COXFA4L2: variants seen among roughly 807,000 people sequenced by gnomAD.
COXFA4L2 encodes NADH dehydrogenase (ubiquinone) 1 alpha subcomplex, 4-like 2.
chr12:57,236,603 GGCTGCGAAGGGCGAGTCGCA>G, the COXFA4L2 span: 1 of 1,581,956 alleles, frequency 6.3e-7, no homozygotes, highest in Admixed American at 1.9e-5. Context: ...CAGACGTCGG[GGCTGCGAAGGGCGAGTCGCA>G]GCAAGTAAAG....
At chr12:57,237,177 C>T in the COXFA4L2 span, 1 of 1,610,098 alleles carries the variant, frequency 6.2e-7, no homozygotes, top group Non-Finnish European at 8.5e-7. Context: ...ATCAGCCCAG[C>T]CCAGAGCAGC....
At chr12:57,237,128 TCTCC>T in the COXFA4L2 span, 1 of 1,614,124 alleles carries the variant, frequency 6.2e-7, no homozygotes, top group Non-Finnish European at 8.5e-7. Context: ...GGCTCTGTCC[TCTCC>T]CTCCTCCTGG....
chr12:57,235,371 GCGCTTC>G, the COXFA4L2 span: 15 of 645,066 alleles, frequency 2.3e-5, no homozygotes, highest in East Asian at 4.0e-4. Context: ...AGGGTCAGAG[GCGCTTC>G]CGCTGCTGGG....
the COXFA4L2 span, chr12:57,235,282 C>T: frequency 1.8e-6 from 1 of 557,710 alleles, no homozygotes; most frequent in African/African-American, 1.9e-5. Context: ...GGTAGGAGGG[C>T]AGAGGGGCTG....
chr12:57,235,576 C>T, the COXFA4L2 span: 20 of 1,613,802 alleles, frequency 1.2e-5, no homozygotes, highest in Admixed American at 1.0e-4. Flanking sequence ...GAAGTCTGGC[C>T]GGTCCTTCTT....
the COXFA4L2 span, chr12:57,236,778 G>A: frequency 3.9e-6 from 3 of 759,652 alleles, no homozygotes; most frequent in Admixed American, 2.9e-5. Flanking sequence ...ACCCCACCCC[G>A]GGTCTGGTGC....
chr12:57,237,070 G>A, the COXFA4L2 span: 1 of 1,614,182 alleles, frequency 6.2e-7, no homozygotes, highest in South Asian at 1.1e-5. Flanking sequence ...CGGGCCCCAA[G>A]ACTGGCTCCT....
At chr12:57,235,766 G>A in the COXFA4L2 span, 1 of 1,585,094 alleles carries the variant, frequency 6.3e-7, no homozygotes, top group Non-Finnish European at 8.6e-7. Flanking sequence ...TGGTCATTGG[G>A]GCTCAGGCGG....
At chr12:57,236,787 G>T in the COXFA4L2 span, 1 of 1,045,910 alleles carries the variant, frequency 9.6e-7, no homozygotes, top group Admixed American at 2.4e-5. Flanking sequence ...CGGGTCTGGT[G>T]CTCCCTCCCT....
At chr12:57,235,513 G>A in the COXFA4L2 span, 3 of 1,593,852 alleles carry the variant, frequency 1.9e-6, no homozygotes, top group South Asian at 1.1e-5. Flanking sequence ...TGGAAGAAGT[G>A]GATGGGCTGG....
chr12:57,235,491 T>C, the COXFA4L2 span: 6 of 1,520,710 alleles, frequency 3.9e-6, no homozygotes, highest in African/African-American at 1.4e-5. Context: ...CCTTGGGGCC[T>C]GCGGGGAGGA....
the COXFA4L2 span, chr12:57,237,726 T>G: frequency 6.4e-6 from 1 of 155,174 alleles, no homozygotes; most frequent in East Asian, 1.9e-4. Flanking sequence ...TAATCATGGC[T>G]CAGGATAGAA....
At chr12:57,235,898 G>T in the COXFA4L2 span, 2 of 1,248,452 alleles carry the variant, frequency 1.6e-6, no homozygotes, top group South Asian at 1.8e-5. Context: ...CCACCCGGAG[G>T]CTCTGGCCCC....
the COXFA4L2 span, chr12:57,236,567 G>C: frequency 8.9e-5 from 137 of 1,542,394 alleles, 4 homozygotes; most frequent in East Asian, 1.2e-3. Context: ...CCAGGCCCCC[G>C]TGAGCATCCC....
chr12:57,236,228 C>A, the COXFA4L2 span: 2 of 343,058 alleles, frequency 5.8e-6, no homozygotes, highest in Non-Finnish European at 1.1e-5. Context: ...AAATCTCCGC[C>A]CCACACTGGT....
At chr12:57,237,379 AG>A in the COXFA4L2 span, 1 of 1,360,042 alleles carries the variant, frequency 7.4e-7, no homozygotes, top group Admixed American at 3.2e-5. Flanking sequence ...CTGGCATCTG[AG>A]GGAAGGACCT....
chr12:57,235,428 C>T, the COXFA4L2 span: 1,449 of 946,116 alleles, frequency 1.5e-3, 4 homozygotes, highest in Non-Finnish European at 2.2e-3. Flanking sequence ...CTCCCCTCTG[C>T]GTGGGAACCC....
At chr12:57,237,088 C>T in the COXFA4L2 span, 7 of 1,614,096 alleles carry the variant, frequency 4.3e-6, no homozygotes, top group African/African-American at 4.0e-5. Context: ...CCTGCCATAT[C>T]GTTGTTTTCC....
chr12:57,238,170 C>A, the COXFA4L2 span, among the ~76,000 whole-genome samples: 5 of 152,032 alleles, frequency 3.3e-5, no homozygotes, highest in Non-Finnish European at 7.4e-5. This position sits in a 1 kb window ranked among gnomAD's most constrained non-coding sequence, Gnocchi z 6.8. Context: ...AGGGCGCGGG[C>A]GGGAGCGAGC....
Sources: gnomAD v4.1 joint callset for allele counts (sites outside exome capture counted in the v4.1 genomes callset) on GRCh38, gnomAD v4.1.1 for gene constraint, Gnocchi (gnomAD v3.1) non-coding constraint, MANE v1.5 for transcripts, NCBI Gene and HGNC (gene_info 2026-07-23, HGNC 2026-07-21) for gene names.